The following PRELID2 variants were observed in gnomAD, a reference collection of about 807,000 sequenced individuals.
The protein encoded by PRELID2 is PRELI domain containing 2.
A neutral mutation model predicts 28.4 loss-of-function variants in PRELID2; 25 were observed. That is an observed-to-expected ratio of 0.88 (90% CI 0.64 to 1.23). The LOEUF (loss-of-function observed/expected upper bound fraction) is 1.23. PRELID2 is among the 50% of genes most tolerant of loss of function. PRELID2 has a pLI of 0.00. For synonymous variants in PRELID2, 76 were observed against 71.6 expected, an observed-to-expected ratio of 1.06 and a Z score of -0.31; for missense variants, 201 against 214.4, an observed-to-expected ratio of 0.94 and a Z score of 0.39.
chr5:145,657,955 T>C (rs1240401530), intron 1 of PRELID2, among the ~76,000 whole-genome samples: 2 of 152,152 alleles, frequency 1.3e-5, no homozygotes, highest in South Asian at 2.1e-4. Context: ...CCCCATCTCA[T>C]CCCATATTCT....
At chr5:145,415,104 T>G in the PRELID2 span, among the ~76,000 whole-genome samples, 96,757 of 151,848 alleles carry the variant, frequency 0.64, 31,695 homozygotes, top group Non-Finnish European at 0.71. Flanking sequence ...AAAACACTCC[T>G]CAGCAAATGC....
chr5:145,640,258 G>A (rs1019601225), intron 1 of PRELID2, among the ~76,000 whole-genome samples: 18 of 151,888 alleles, frequency 1.2e-4, no homozygotes, highest in African/African-American at 1.7e-4. Flanking sequence ...AGGCCGAGGC[G>A]GGCGGATCAC....
intron 1 of PRELID2, among the ~76,000 whole-genome samples, chr5:145,569,750 T>C (rs1204964116): frequency 2.0e-5 from 3 of 152,248 alleles, no homozygotes; most frequent in Non-Finnish European, 4.4e-5. Flanking sequence ...AGGCAACAAA[T>C]GTTCATTGAG....
At chr5:145,582,074 T>C (rs1313113745) in intron 1 of PRELID2, among the ~76,000 whole-genome samples, 1 of 152,030 alleles carries the variant, frequency 6.6e-6, no homozygotes, top group Non-Finnish European at 1.5e-5. Flanking sequence ...TAACTTTCTA[T>C]TCATATTATT....
At chr5:145,588,749 G>A (rs1208515577) in intron 1 of PRELID2, among the ~76,000 whole-genome samples, 2 of 151,956 alleles carry the variant, frequency 1.3e-5, no homozygotes, top group African/African-American at 4.8e-5. Context: ...CTCAAAAATA[G>A]TGATGATGAT....
chr5:145,632,782 T>C (rs945863148), intron 1 of PRELID2, among the ~76,000 whole-genome samples: 4 of 152,184 alleles, frequency 2.6e-5, no homozygotes, highest in Non-Finnish European at 4.4e-5. Context: ...TTACATTATA[T>C]GGCAGAAGGG....
the PRELID2 span, among the ~76,000 whole-genome samples, chr5:145,374,671 G>T: frequency 6.6e-6 from 1 of 151,938 alleles, no homozygotes; most frequent in Non-Finnish European, 1.5e-5. Context: ...TGGAGGCTTT[G>T]TTCATTTCTT....
intron 1 of PRELID2, among the ~76,000 whole-genome samples, chr5:145,535,391 C>A (rs1317451863): frequency 2.0e-5 from 3 of 151,876 alleles, no homozygotes; most frequent in Admixed American, 6.6e-5. Context: ...GAGCCCACTT[C>A]TTCCTGGCCT....
At chr5:145,460,142 T>C in the PRELID2 span, among the ~76,000 whole-genome samples, 2 of 152,246 alleles carry the variant, frequency 1.3e-5, no homozygotes, top group Admixed American at 1.3e-4. Context: ...TGACCAAGAG[T>C]TATCACAATT....
the PRELID2 span, among the ~76,000 whole-genome samples, chr5:145,447,877 G>A: frequency 1.6e-3 from 241 of 148,222 alleles, 1 homozygote; most frequent in Admixed American, 3.7e-3. Flanking sequence ...ATCATTGTTG[G>A]ACATTTGGGT....
intron 1 of PRELID2, among the ~76,000 whole-genome samples, chr5:145,698,587 C>T (rs150272863): frequency 2.0e-5 from 3 of 152,154 alleles, no homozygotes; most frequent in Non-Finnish European, 2.9e-5. Flanking sequence ...AGAACAGTGC[C>T]GTTTCGCTGT....
the PRELID2 span, among the ~76,000 whole-genome samples, chr5:145,373,539 CAACATATATAATATATATGATATT>C: frequency 2.2e-3 from 27 of 12,176 alleles, 1 homozygote; most frequent in African/African-American, 8.4e-3. Flanking sequence ...TTATATATTA[CAACATATATAATATATATGATATT>C]ATATATTACA....
intron 1 of PRELID2, among the ~76,000 whole-genome samples, chr5:145,557,000 T>A (rs1752885049): frequency 6.6e-6 from 1 of 152,192 alleles, no homozygotes; most frequent in South Asian, 2.1e-4. Context: ...ACTTAACTTT[T>A]TAGCACTTAC....
the PRELID2 span, among the ~76,000 whole-genome samples, chr5:145,354,307 A>G: frequency 2.0e-5 from 3 of 152,140 alleles, no homozygotes; most frequent in African/African-American, 7.2e-5. Context: ...CATATTTTGT[A>G]AAATTTGGAA....
intron 1 of PRELID2, among the ~76,000 whole-genome samples, chr5:145,739,200 A>C (rs538533521): frequency 6.6e-6 from 1 of 152,304 alleles, no homozygotes; most frequent in African/African-American, 2.4e-5. Context: ...CATAAAAACA[A>C]TTTAAATAAG....
the PRELID2 span, among the ~76,000 whole-genome samples, chr5:145,238,188 A>G: frequency 6.6e-6 from 1 of 152,118 alleles, no homozygotes; most frequent in African/African-American, 2.4e-5. Context: ...AAGAGGACAG[A>G]AGAGAAGCAA....
At chr5:145,668,079 A>T (rs533190162) in intron 1 of PRELID2, among the ~76,000 whole-genome samples, 1 of 152,248 alleles carries the variant, frequency 6.6e-6, no homozygotes, top group African/African-American at 2.4e-5. Context: ...TCACATTAGA[A>T]TTTCAGGAAA....
At chr5:145,372,170 A>T in the PRELID2 span, among the ~76,000 whole-genome samples, 1 of 152,112 alleles carries the variant, frequency 6.6e-6, no homozygotes. Flanking sequence ...GTATCAAAGA[A>T]CTTACTGATT....
At chr5:145,312,007 C>T in the PRELID2 span, among the ~76,000 whole-genome samples, 2 of 151,972 alleles carry the variant, frequency 1.3e-5, no homozygotes, top group African/African-American at 4.8e-5. Flanking sequence ...TTAATATACC[C>T]ATAACCTCAC....
Sources: allele counts gnomAD v4.1 joint callset (sites outside exome capture counted in the v4.1 genomes callset), GRCh38; gene constraint gnomAD v4.1.1; transcripts MANE v1.5; gene names NCBI Gene and HGNC (gene_info 2026-07-23, HGNC 2026-07-21).